The following TTC21B variants were observed in gnomAD, a reference collection of about 807,000 sequenced individuals.
TTC21B encodes tetratricopeptide repeat domain 21B.
Under a neutral mutation model 175.1 loss-of-function variants are expected in TTC21B, and 127 were observed. That is an observed-to-expected ratio of 0.73 (90% confidence interval 0.63 to 0.84). The LOEUF (loss-of-function observed/expected upper bound fraction) is 0.84. Ranked by LOEUF, TTC21B falls within the 40% of genes least tolerant of loss-of-function variation. TTC21B has a pLI of 0.00. For synonymous variants in TTC21B, 524 were observed against 524.5 expected, an observed-to-expected ratio of 1.00 and a Z score of 0.01; for missense variants, 1,561 against 1,558.3, an observed-to-expected ratio of 1.00 and a Z score of -0.03.
At chr2:165,893,105 T>C (rs544520345) in intron 22 of TTC21B, among the ~76,000 whole-genome samples, 13 of 152,302 alleles carry the variant, frequency 8.5e-5, no homozygotes, top group African/African-American at 2.9e-4. Context: ...TCTTGTCCTT[T>C]AGCTATGTGA....
At chr2:165,930,115 A>T in intron 9 of TTC21B, 57 bp downstream of exon 9, 1 of 1,525,390 alleles carries the variant, frequency 6.6e-7, no homozygotes, top group South Asian at 1.1e-5. Flanking sequence ...ATGGCAAGTT[A>T]AAAGCAATTG....
chr2:165,914,657 CTGTGTGTGTG>C (rs551411661), intron 15 of TTC21B, among the ~76,000 whole-genome samples: 17 of 118,174 alleles, frequency 1.4e-4, no homozygotes, highest in Admixed American at 3.5e-4. Flanking sequence ...GAAGAGCAAT[CTGTGTGTGTG>C]TGTGTGTGTG....
At chr2:165,901,949 A>G in intron 19 of TTC21B, 39 bp from the exon 20 acceptor site, 1 of 1,459,590 alleles carries the variant, frequency 6.9e-7, no homozygotes, top group Non-Finnish European at 9.6e-7. Flanking sequence ...AAAAAAAAAA[A>G]GGAAATTAAA....
chr2:165,919,197 G>T, intron 13 of TTC21B, 79 bp downstream of exon 13: 8 of 1,541,512 alleles, frequency 5.2e-6, no homozygotes, highest in Non-Finnish European at 7.2e-6. Context: ...AATACTACAG[G>T]CTAAAACACA....
At chr2:165,942,893 T>C (rs562820344) in intron 5 of TTC21B, among the ~76,000 whole-genome samples, 2 of 152,370 alleles carry the variant, frequency 1.3e-5, no homozygotes, top group African/African-American at 4.8e-5. Context: ...CAAGAGGTTT[T>C]CTCTTGCTCA....
chr2:165,923,671 T>C (rs1374605124), intron 12 of TTC21B, among the ~76,000 whole-genome samples: 1 of 151,356 alleles, frequency 6.6e-6, no homozygotes, highest in Admixed American at 6.6e-5. Flanking sequence ...CTTGATCTCC[T>C]GACCTCGTGA....
intron 13 of TTC21B, among the ~76,000 whole-genome samples, chr2:165,918,468 T>C (rs1574104078): frequency 6.6e-6 from 1 of 152,226 alleles, no homozygotes; most frequent in African/African-American, 2.4e-5. Context: ...CTACTTTTTT[T>C]GTATTTTTAG....
chr2:165,953,661 C>CCGCTCACG, intron 1 of TTC21B, 24 bp downstream of exon 1: 1 of 1,543,816 alleles, frequency 6.5e-7, no homozygotes, highest in Non-Finnish European at 8.7e-7. Flanking sequence ...GCCCGCTCAC[C>CCGCTCACG]CGCTCACCCG....
chr2:165,930,192 G>A lies in TTC21B; in HGVS notation c.1067C>T (p.Thr356Ile), dbSNP rs764910970. The A allele has an allele frequency of 2.5e-6, 4 of 1,613,148 alleles. No individual in the cohort carries two copies. In the Admixed American group the frequency reaches 5.0e-5, roughly 20 times the overall value. Residue 356 changes from threonine to isoleucine, a missense_variant, in exon 9 of 29, where the codon ACT becomes ATT. By Grantham distance (89) the Thr-to-Ile change is moderately conservative (BLOSUM62 -1). Coordinates refer to ENST00000243344, the MANE Select transcript of TTC21B (RefSeq NM_024753.5). ...CATACCAACTAGGGCAGACACACTA[G>A]TCTCATCAAGTGTCATGGCGGTCTT... ...WYKTAMTLDE[T>I]SVSALVGFIQ...
At chr2:165,901,624 A>T in intron 20 of TTC21B, 98 bp downstream of exon 20, 1 of 1,222,858 alleles carries the variant, frequency 8.2e-7, no homozygotes, top group Non-Finnish European at 1.2e-6. Context: ...CACCCTGCCT[A>T]CATCTTCTTT....
intron 16 of TTC21B, 146 bp from the exon 17 acceptor site, chr2:165,912,770 C>G: frequency 1.4e-6 from 1 of 706,168 alleles, no homozygotes. Context: ...TTAACAATTT[C>G]AAAAAGGTGA....
At chr2:165,951,108 AAC>A (rs1687750106) in intron 1 of TTC21B, among the ~76,000 whole-genome samples, 1 of 152,178 alleles carries the variant, frequency 6.6e-6, no homozygotes, top group South Asian at 2.1e-4. Flanking sequence ...ATTTCAGTGA[AAC>A]ACAGTTTTCC....
At chr2:165,884,591 C>T (rs921110915) in intron 25 of TTC21B, among the ~76,000 whole-genome samples, 2 of 152,280 alleles carry the variant, frequency 1.3e-5, no homozygotes, top group Admixed American at 6.5e-5. Flanking sequence ...AATTAATTCA[C>T]CACTTGGAAA....
Position 165,915,407 on chromosome 2 carries a change from G to A in TTC21B, c.1932C>T (p.Ile644=), listed in dbSNP as rs367956961. The A allele has an allele frequency of 8.7e-6, 14 of 1,614,078 alleles. No individual in the cohort carries two copies. Among genetic ancestry groups the A allele is most frequent in the Non-Finnish European group, 1.1e-5 (13 of 1,179,984 alleles). ...HEATKVLQDA[I]HEFSGTSEEV... The stretch of plus-strand genomic sequence containing the variant: ...CTTCAGATGTTCCAGAAAATTCATG[G>A]ATGGCATCTTGTAAAACTTTGGTTG... The change falls in exon 15 of 29, where the codon ATC becomes ATT. Residue 644 remains isoleucine, a synonymous_variant. Transcript: ENST00000243344.
chr2:165,929,243 G>A lies in TTC21B; in HGVS notation c.1278C>T (p.His426=). The change falls in exon 11 of 29, where the codon CAC becomes CAT. Residue 426 remains histidine, a synonymous_variant. Transcript: ENST00000243344. ...GAGGCAAACCTTCTAATTGTGAAAA[G>A]TGAGTGTCCAGGACATCATTTAACA... is the stretch of plus-strand genomic sequence containing the variant. ...INLLNDVLDT[H]FSQLEGLPLG... is the part of the protein sequence containing the mutation. The A allele has an allele frequency of 3.1e-6, 5 of 1,612,964 alleles. No homozygotes were observed. Among genetic ancestry groups the A allele is most frequent in the Non-Finnish European group, 3.4e-6 (4 of 1,179,326 alleles).
chr2:165,950,004 T>C (rs2105370895), intron 1 of TTC21B: 2 of 231,982 alleles, frequency 8.6e-6, no homozygotes, highest in East Asian at 2.1e-4. Context: ...TGCTTTCACC[T>C]TTTTTCCTTT....
At chr2:165,881,022 ATCAGAAATACACAATAGG>A (rs1231015657) in intron 26 of TTC21B, among the ~76,000 whole-genome samples, 2 of 152,182 alleles carry the variant, frequency 1.3e-5, no homozygotes, top group African/African-American at 4.8e-5. Flanking sequence ...TCTTTACAGA[ATCAGAAATACACAATAGG>A]GCACTTGTGT....
intron 1 of TTC21B, among the ~76,000 whole-genome samples, chr2:165,950,458 A>G (rs1373177253): frequency 6.6e-6 from 1 of 152,148 alleles, no homozygotes; most frequent in East Asian, 1.9e-4. Flanking sequence ...CAGAAACCAC[A>G]CTTTCCCACC....
chr2:165,874,691 G>T lies in TTC21B; in HGVS notation c.*64C>A. On this transcript the variant is annotated 3_prime_UTR_variant, in exon 29 of 29. Coordinates refer to ENST00000243344, the MANE Select transcript of TTC21B (RefSeq NM_024753.5). The stretch of plus-strand genomic sequence containing the variant: ...ACTGAGCTCAAACCTGTTTTGAACA[G>T]GAAGAACTGAAAGTTAGATTTCTTT... 6.8e-7 allele frequency: 1 copy of T among 1,470,968 alleles called. No homozygotes were observed. Among genetic ancestry groups the T allele is most frequent in the Non-Finnish European group, 9.5e-7 (1 of 1,050,886 alleles). The allele number at this position is 1,470,968 out of a possible 1,614,324, so 91.1% of individuals were successfully genotyped here.
Sources: allele counts gnomAD v4.1 joint callset (sites outside exome capture counted in the v4.1 genomes callset), GRCh38; gene constraint gnomAD v4.1.1; transcripts MANE v1.5; gene names NCBI Gene and HGNC (gene_info 2026-07-23, HGNC 2026-07-21).